The following GRID1 variants were observed in gnomAD, a reference collection of about 807,000 sequenced individuals.
GRID1 encodes the protein glutamate receptor ionotropic, delta-1.
In GRID1, 28 loss-of-function variants were observed where a neutral mutation model predicts 98.0. The observed-to-expected ratio is 0.29, with a 90% CI of 0.21 to 0.39. GRID1 has a LOEUF of 0.39. GRID1 is among the 10% of genes least tolerant of loss of function. The pLI, the probability that GRID1 is intolerant of heterozygous loss-of-function variation, is 1.00. For synonymous variants in GRID1, 553 were observed against 538.5 expected (o/e 1.03, Z -0.37); for missense variants, 1,111 against 1,340.5 (o/e 0.83, Z 2.67).
intron 5 of GRID1, among the ~76,000 whole-genome samples, chr10:85,905,673 G>A (rs1376636916): frequency 6.6e-6 from 1 of 152,074 alleles, no homozygotes; most frequent in East Asian, 1.9e-4. Flanking sequence ...ATGTGGTGTA[G>A]TATAATATCA....
chr10:85,932,594 G>A (rs2131833381), intron 4 of GRID1, among the ~76,000 whole-genome samples: 1 of 152,248 alleles, frequency 6.6e-6, no homozygotes, highest in South Asian at 2.1e-4. Context: ...TTGTAGATTT[G>A]CAACACTTTA....
At chr10:85,834,965 G>A (rs1842900242) in intron 8 of GRID1, among the ~76,000 whole-genome samples, 1 of 151,976 alleles carries the variant, frequency 6.6e-6, no homozygotes, top group South Asian at 2.1e-4. Flanking sequence ...TACTTCAAAG[G>A]CAATAACATG....
At chr10:85,818,577 A>G (rs1165042816) in intron 8 of GRID1, among the ~76,000 whole-genome samples, 2 of 152,240 alleles carry the variant, frequency 1.3e-5, no homozygotes, top group Non-Finnish European at 2.9e-5. Flanking sequence ...GTCAGAGGCA[A>G]GGAAAATACA....
intron 2 of GRID1, among the ~76,000 whole-genome samples, chr10:86,308,656 C>T (rs945927385): frequency 3.9e-5 from 6 of 152,138 alleles, no homozygotes; most frequent in African/African-American, 1.4e-4. Flanking sequence ...ACGGAATGCT[C>T]GAGACTGGGT....
At chr10:85,960,694 T>C (rs1232621534) in intron 4 of GRID1, among the ~76,000 whole-genome samples, 1 of 152,170 alleles carries the variant, frequency 6.6e-6, no homozygotes, top group African/African-American at 2.4e-5. Flanking sequence ...GCATTAACAA[T>C]TGCCGCTACA....
intron 8 of GRID1, among the ~76,000 whole-genome samples, chr10:85,741,560 TC>T (rs1841943329): frequency 6.6e-6 from 1 of 152,134 alleles, no homozygotes; most frequent in African/African-American, 2.4e-5. Context: ...CAGGGTACCA[TC>T]ATTTTTTGCT....
At chr10:85,931,264 T>C (rs1367148652) in intron 4 of GRID1, among the ~76,000 whole-genome samples, 1 of 152,008 alleles carries the variant, frequency 6.6e-6, no homozygotes, top group Non-Finnish European at 1.5e-5. Flanking sequence ...CTCTACCCAG[T>C]GCCTTGGTGT....
At chr10:85,769,606 G>A (rs1310985648) in intron 8 of GRID1, among the ~76,000 whole-genome samples, 3 of 152,162 alleles carry the variant, frequency 2.0e-5, no homozygotes, top group East Asian at 1.9e-4. Context: ...CTGGGAAATC[G>A]GGTCACACCC....
chr10:85,781,693 T>C (rs1458623818), intron 8 of GRID1, among the ~76,000 whole-genome samples: 1 of 152,124 alleles, frequency 6.6e-6, no homozygotes, highest in Non-Finnish European at 1.5e-5. Context: ...ATCTACTACA[T>C]GGCTGGCCTC....
chr10:86,019,716 G>A (rs1157464875), intron 4 of GRID1, among the ~76,000 whole-genome samples: 1 of 152,246 alleles, frequency 6.6e-6, no homozygotes, highest in African/African-American at 2.4e-5. Flanking sequence ...TAGTGTGATA[G>A]CTAATAGTGG....
At chr10:85,840,674 A>G (rs1842953318) in intron 8 of GRID1, among the ~76,000 whole-genome samples, 2 of 152,218 alleles carry the variant, frequency 1.3e-5, no homozygotes, top group South Asian at 2.1e-4. Flanking sequence ...AAAAATCACT[A>G]GCATTCTTAT....
At chr10:85,743,161 C>T (rs113199811) in intron 8 of GRID1, among the ~76,000 whole-genome samples, 1,635 of 143,948 alleles carry the variant, frequency 0.011, 32 homozygotes, top group African/African-American at 0.04. Flanking sequence ...CAGCTGCCCG[C>T]AAAAAGTACA....
intron 12 of GRID1, among the ~76,000 whole-genome samples, chr10:85,679,106 C>A (rs1363466131): frequency 6.6e-6 from 1 of 152,178 alleles, no homozygotes; most frequent in Admixed American, 6.5e-5. Flanking sequence ...CCATAACTAC[C>A]ATGGCAGTAA....
chr10:86,039,053 T>C (rs1337861573), intron 4 of GRID1, among the ~76,000 whole-genome samples: 1 of 152,208 alleles, frequency 6.6e-6, no homozygotes. Context: ...CCACCACTTC[T>C]TTCCTTTAGG....
rs1209842421 is a variant in GRID1 at position 86,098,578 on chromosome 10, C to T, written c.726+40241G>A. Among the ~76,000 whole-genome samples, 18 of 152,204 alleles carry T rather than the reference C, an allele frequency of 1.2e-4. 1 individual carries two copies. The highest frequency in any genetic ancestry group is 1.5e-5 in the Non-Finnish European group (1 of 68,040). On this transcript the variant is annotated intron_variant, in intron 4 of 15. Coordinates refer to ENST00000327946, the MANE Select transcript of GRID1 (RefSeq NM_017551.3). The stretch of plus-strand genomic sequence containing the variant: ...AATTGAATTACTGGGTCAAAAGGTA[C>T]AAACATTTTTATAGTTCCAGATACT...
chr10:85,774,046 T>G (rs565873639), intron 8 of GRID1, among the ~76,000 whole-genome samples: 280 of 152,206 alleles, frequency 1.8e-3, no homozygotes, highest in African/African-American at 6.4e-3. Context: ...AACAAAGCTG[T>G]AGGCATCACG....
chr10:86,121,582 C>CCATCACCAT (rs1844677334), intron 4 of GRID1, among the ~76,000 whole-genome samples: 1 of 310 alleles, frequency 3.2e-3, no homozygotes, highest in Non-Finnish European at 8.6e-3. Flanking sequence ...AACATCACCA[C>CCATCACCAT]CATCACCATC....
chr10:85,714,622 C>A (rs1564568113), intron 12 of GRID1, among the ~76,000 whole-genome samples: 2 of 151,686 alleles, frequency 1.3e-5, no homozygotes, highest in Admixed American at 6.6e-5. Flanking sequence ...GCAAACAAAT[C>A]AAAAAACAAT....
chr10:86,163,962 G>A (rs1024891716), intron 3 of GRID1, among the ~76,000 whole-genome samples: 1 of 152,136 alleles, frequency 6.6e-6, no homozygotes, highest in Admixed American at 6.5e-5. Context: ...GAAGCTACTG[G>A]CAAGGCAAGG....
Sources: allele counts gnomAD v4.1 joint callset (sites outside exome capture counted in the v4.1 genomes callset), GRCh38; gene constraint gnomAD v4.1.1; transcripts MANE v1.5; gene names NCBI Gene and HGNC (gene_info 2026-07-23, HGNC 2026-07-21).